The following PACRG variants were observed in gnomAD, a reference collection of about 807,000 sequenced individuals.
PACRG encodes the protein parkin coregulated, also known as parkin coregulated gene protein.
In PACRG, 29 loss-of-function variants were observed where a neutral mutation model predicts 29.7. The observed-to-expected ratio is 0.98, with a 90% CI of 0.73 to 1.33. PACRG has a LOEUF of 1.33. Among genes scored for constraint, PACRG ranks in the 40% most tolerant of loss-of-function variants. The probability of loss-of-function intolerance (pLI) is 0.00; values close to 1 mark genes in which losing one functional copy is unlikely to be tolerated. For missense variants in PACRG, 279 were observed against 316.2 expected (o/e 0.88, Z 0.89); for synonymous variants, 116 against 118.7 (o/e 0.98, Z 0.15).
At chr6:163,264,090 C>G (rs1783437164) in intron 4 of PACRG, among the ~76,000 whole-genome samples, 1 of 152,164 alleles carries the variant, frequency 6.6e-6, no homozygotes, top group Non-Finnish European at 1.5e-5. Flanking sequence ...CCAATTTATA[C>G]CCAGAATCCA....
rs115815428 is a variant in PACRG at position 163,072,847 on chromosome 6, T to A, written c.463+10526T>A. ...CTGAAAAAGAAATTTTACAATGTAG[T>A]CCCATTTACAATAGCCACAGATAAA... On this transcript the variant is annotated intron_variant, in intron 3 of 4. Transcript: ENST00000366888. Among the ~76,000 whole-genome samples, 1,062 of 152,216 alleles carry A rather than the reference T, an allele frequency of 7.0e-3. 9 individuals carry two copies. Among genetic ancestry groups the A allele is most frequent in the African/African-American group, 0.019 (775 of 41,558 alleles).
At chr6:162,877,014 G>A (rs1793412881) in intron 2 of PACRG, among the ~76,000 whole-genome samples, 1 of 152,190 alleles carries the variant, frequency 6.6e-6, no homozygotes, top group African/African-American at 2.4e-5. Flanking sequence ...CAACTGTGGT[G>A]AAAGACAGTG....
Position 162,899,598 on chromosome 6 carries a change from C to T in PACRG, c.291+85317C>T, listed in dbSNP as rs186795641. 6.0e-3 allele frequency among the ~76,000 whole-genome samples: 917 copies of T among 152,236 alleles called. 2 individuals carry two copies. Among genetic ancestry groups the T allele is most frequent in the Non-Finnish European group, 0.01 (694 of 68,018 alleles). On this transcript the variant is annotated intron_variant, in intron 2 of 4. Transcript: ENST00000366888. ...TCTTCACCTCTGCCCTGGCTCCTGC[C>T]GTCCTCTCTGTAAGGAAGGTCTTCC...
chr6:163,064,720 A>G (rs1194901031), intron 3 of PACRG, among the ~76,000 whole-genome samples: 3 of 152,238 alleles, frequency 2.0e-5, no homozygotes, highest in Non-Finnish European at 4.4e-5. Flanking sequence ...GCTGATGTAC[A>G]TAATTGACAT....
At chr6:162,886,467 CA>C (rs1335463995) in intron 2 of PACRG, among the ~76,000 whole-genome samples, 1 of 152,178 alleles carries the variant, frequency 6.6e-6, no homozygotes, top group Non-Finnish European at 1.5e-5. Flanking sequence ...TGACTTCATA[CA>C]ATCACATGGC....
At chr6:163,068,779 C>A (rs961935614) in intron 3 of PACRG, among the ~76,000 whole-genome samples, 2 of 151,860 alleles carry the variant, frequency 1.3e-5, no homozygotes, top group Non-Finnish European at 2.9e-5. Context: ...CTTTCCTTTC[C>A]TCTGACTGTT....
intron 4 of PACRG, among the ~76,000 whole-genome samples, chr6:163,230,759 C>G (rs540826570): frequency 6.6e-6 from 1 of 152,152 alleles, no homozygotes; most frequent in Non-Finnish European, 1.5e-5. Flanking sequence ...TGTGTAATGC[C>G]GAACTGCTGT....
At chr6:163,287,920 C>A (rs902109161) in intron 4 of PACRG, among the ~76,000 whole-genome samples, 3 of 152,078 alleles carry the variant, frequency 2.0e-5, no homozygotes, top group Non-Finnish European at 4.4e-5. Flanking sequence ...TTCAGAAACA[C>A]CACAGAAGAA....
chr6:163,150,113 G>A (rs1424325935), intron 4 of PACRG, among the ~76,000 whole-genome samples: 1 of 152,152 alleles, frequency 6.6e-6, no homozygotes, highest in Non-Finnish European at 1.5e-5. Flanking sequence ...TCTTCCTGAC[G>A]CCGGAGTGGC....
In PACRG at chr6:162,930,315, T is replaced by A. The variant is rs148903855; in HGVS notation, c.291+116034T>A. Among the ~76,000 whole-genome samples, 545 of 152,000 alleles carry A rather than the reference T, an allele frequency of 3.6e-3. 2 individuals are homozygous for A. The highest frequency in any genetic ancestry group is 0.012 in the African/African-American group (505 of 41,540). ...CTTGTATAGATCTTTCACTCCTTGG[T>A]TAAATTGATTCCTAGATATTTTATA... On this transcript the variant is annotated intron_variant, in intron 2 of 4. Transcript: ENST00000366888.
intron 4 of PACRG, among the ~76,000 whole-genome samples, chr6:163,094,468 A>G (rs474520): frequency 0.36 from 54,155 of 152,068 alleles, 11,710 homozygotes; most frequent in African/African-American, 0.59. Context: ...CACTTCCTCC[A>G]TGCACACTTA....
chr6:163,030,303 A>G (rs1807540528), intron 2 of PACRG, among the ~76,000 whole-genome samples: 1 of 152,202 alleles, frequency 6.6e-6, no homozygotes, highest in African/African-American at 2.4e-5. Flanking sequence ...ACCTTTTTAT[A>G]TGAGAAATAG....
intron 4 of PACRG, among the ~76,000 whole-genome samples, chr6:163,311,813 A>AT (rs67836672): frequency 0.4 from 60,740 of 151,890 alleles, 13,175 homozygotes; most frequent in African/African-American, 0.56. Flanking sequence ...CTATGGTCAA[A>AT]TTTTTTTTAA....
chr6:162,986,162 C>T (rs1802868189), intron 2 of PACRG, among the ~76,000 whole-genome samples: 1 of 151,962 alleles, frequency 6.6e-6, no homozygotes, highest in Admixed American at 6.6e-5. Flanking sequence ...AAATTCAATG[C>T]AATTTTCATC....
chr6:163,042,372 G>C (rs1808821218), intron 2 of PACRG, among the ~76,000 whole-genome samples: 1 of 152,094 alleles, frequency 6.6e-6, no homozygotes, highest in Non-Finnish European at 1.5e-5. Context: ...GAGGAGTCAG[G>C]GTTCACTGTG....
At chr6:163,252,416 T>C (rs1782944952) in intron 4 of PACRG, among the ~76,000 whole-genome samples, 1 of 152,216 alleles carries the variant, frequency 6.6e-6, no homozygotes, top group South Asian at 2.1e-4. Flanking sequence ...CGGGTGATTC[T>C]GGGATGGTAA....
intron 1 of PACRG, among the ~76,000 whole-genome samples, chr6:162,762,833 G>A (rs1782484811): frequency 6.6e-6 from 1 of 152,118 alleles, no homozygotes; most frequent in African/African-American, 2.4e-5. Context: ...TTATAATGTT[G>A]TTTTACAACA....
chr6:163,066,029 C>T (rs1243639851), intron 3 of PACRG, among the ~76,000 whole-genome samples: 1 of 152,044 alleles, frequency 6.6e-6, no homozygotes, highest in Non-Finnish European at 1.5e-5. Context: ...AGAGGTGATT[C>T]GAAGAGATGT....
intron 3 of PACRG, among the ~76,000 whole-genome samples, chr6:163,070,030 GA>G (rs1388368139): frequency 1.3e-5 from 2 of 152,028 alleles, no homozygotes; most frequent in Non-Finnish European, 2.9e-5. Context: ...AGTGCTGAAG[GA>G]AAAAACTTTT....
Sources: gnomAD v4.1 joint callset for allele counts (sites outside exome capture counted in the v4.1 genomes callset) on GRCh38, gnomAD v4.1.1 for gene constraint, MANE v1.5 for transcripts, NCBI Gene and HGNC (gene_info 2026-07-23, HGNC 2026-07-21) for gene names.